BTBD8: variants seen among roughly 807,000 people sequenced by gnomAD.
BTBD8 encodes the protein BTB/POZ domain-containing protein 8.
BTBD8 carries 110 observed loss-of-function variants against 162.9 expected under a neutral mutation model. That is an observed-to-expected ratio of 0.68 (90% CI 0.58 to 0.79). The LOEUF is 0.79. Among genes scored for constraint, BTBD8 ranks in the 30% least tolerant of loss-of-function variants. The pLI is 0.00. For missense variants in BTBD8, 1,905 were observed against 2,085.4 expected (o/e 0.91, Z 1.68); for synonymous variants, 667 against 716.1 (o/e 0.93, Z 1.10).
chr1:92,142,520 G>A (rs1213480736), intron 7 of BTBD8, among the ~76,000 whole-genome samples: 1 of 152,198 alleles, frequency 6.6e-6, no homozygotes, highest in African/African-American at 2.4e-5. Flanking sequence ...TTTCTAAAGA[G>A]AGAAGGCTTG....
At chr1:92,132,455 C>T (rs1649537594) in intron 5 of BTBD8, among the ~76,000 whole-genome samples, 1 of 151,988 alleles carries the variant, frequency 6.6e-6, no homozygotes, top group Admixed American at 6.6e-5. Flanking sequence ...GAAATAGTGA[C>T]ATCAATTACT....
At chr1:92,167,755 C>T in intron 10 of BTBD8, 93 bp from the exon 11 acceptor site, 1 of 998,746 alleles carries the variant, frequency 1.0e-6, no homozygotes, top group Non-Finnish European at 1.4e-6. Context: ...TGACTTCATA[C>T]AGCTAGTTAT....
intron 4 of BTBD8, among the ~76,000 whole-genome samples, chr1:92,124,280 A>T (rs1649297226): frequency 6.6e-6 from 1 of 152,096 alleles, no homozygotes; most frequent in Admixed American, 6.6e-5. Flanking sequence ...TTCTTTTCTT[A>T]AATATATATA....
At chr1:92,151,475 A>G (rs959507772) in intron 9 of BTBD8, among the ~76,000 whole-genome samples, 2 of 152,156 alleles carry the variant, frequency 1.3e-5, no homozygotes, top group South Asian at 4.1e-4. Context: ...TTATTGGCCC[A>G]GCTATAGTTC....
chr1:92,126,423 A>G, intron 4 of BTBD8: 1 of 914,678 alleles, frequency 1.1e-6, no homozygotes, highest in Non-Finnish European at 1.7e-6. Context: ...GACCTCCTCA[A>G]ACGAAACATC....
chr1:92,142,663 C>T (rs918121370), intron 7 of BTBD8, among the ~76,000 whole-genome samples: 7 of 152,184 alleles, frequency 4.6e-5, no homozygotes, highest in Non-Finnish European at 1.0e-4. Flanking sequence ...TTAATGGTTT[C>T]ATGAAAGTTA....
chr1:92,123,367 T>C (rs550627326), intron 4 of BTBD8, among the ~76,000 whole-genome samples: 1 of 152,346 alleles, frequency 6.6e-6, no homozygotes, highest in East Asian at 1.9e-4. Context: ...TAGAATCAAC[T>C]TATCTATTGC....
intron 2 of BTBD8, among the ~76,000 whole-genome samples, chr1:92,100,243 T>A (rs1437874995): frequency 6.6e-6 from 1 of 152,238 alleles, no homozygotes; most frequent in Non-Finnish European, 1.5e-5. Context: ...AAAATTATTT[T>A]GTTGAGGGTT....
chr1:92,106,617 C>T (rs1421288205), intron 3 of BTBD8, among the ~76,000 whole-genome samples: 3 of 137,060 alleles, frequency 2.2e-5, no homozygotes, highest in Admixed American at 7.7e-5. Context: ...GCCAAGATTG[C>T]ACCACTGCAC....
At chr1:92,162,613 C>T (rs1459078534) in intron 9 of BTBD8, among the ~76,000 whole-genome samples, 1 of 152,170 alleles carries the variant, frequency 6.6e-6, no homozygotes, top group African/African-American at 2.4e-5. Context: ...GTATTTCTAA[C>T]AGGCTCTGGC....
intron 4 of BTBD8, among the ~76,000 whole-genome samples, chr1:92,126,924 A>G (rs1297773933): frequency 2.0e-5 from 3 of 152,208 alleles, no homozygotes; most frequent in Admixed American, 6.5e-5. Context: ...GGAAAAATGG[A>G]TACAGAAAAA....
chr1:92,177,905 C>T lies in BTBD8; in HGVS notation c.2441+7C>T, dbSNP rs1650768447. The T allele has an allele frequency of 1.4e-6, 2 of 1,410,716 alleles. No individual in the cohort carries two copies. The highest frequency in any genetic ancestry group is 1.4e-5 in the African/African-American group (1 of 70,114). The allele number at this position is 1,410,716 out of a possible 1,614,324, so 87.4% of individuals were successfully genotyped here. A position where few individuals can be genotyped will look rare whatever the true frequency, so the allele number is the denominator to read the frequency against. On this transcript the variant is annotated splice_region_variant and intron_variant, in intron 15 of 17. Transcript: ENST00000636805. ...ACACTAATGTAAATAACAGGTAGGT[C>T]TTCATTCAGTGTTTTAACCTATCTG...
chr1:92,134,898 T>A lies in BTBD8; in HGVS notation c.753-4452T>A, dbSNP rs902730934. Among the ~76,000 whole-genome samples the A allele has an allele frequency of 1.1e-4, 16 of 150,464 alleles. No individual in the cohort carries two copies. In the East Asian group the frequency reaches 1.4e-3, roughly 13 times the overall value. On this transcript the variant is annotated intron_variant, in intron 5 of 17. Transcript: ENST00000636805. ...TATTTAATTAATTAATTAATTAATT[T>A]TTTTTTTTTTTAGACAGAATTTTAC...
chr1:92,179,694 G>A (rs1347407302), intron 16 of BTBD8, among the ~76,000 whole-genome samples: 2 of 152,100 alleles, frequency 1.3e-5, no homozygotes, highest in African/African-American at 2.4e-5. Context: ...TTTCCAGTCA[G>A]CAGTTTTAGT....
chr1:92,147,269 G>A lies in BTBD8; in HGVS notation c.1019+1G>A, dbSNP rs764216988. 1.9e-6 allele frequency: 3 copies of A among 1,601,244 alleles called. No homozygotes were observed. The highest frequency in any genetic ancestry group is 2.6e-6 in the Non-Finnish European group (3 of 1,169,684). ...AAAGTCTTTTTGCTGACTGCATGAA[G>A]TAAGTTATGTTAAGTAGTGCTGATA... is the stretch of plus-strand genomic sequence containing the variant. On this transcript the variant is annotated splice_donor_variant, in intron 8 of 17. Coordinates refer to ENST00000636805, the MANE Select transcript of BTBD8 (RefSeq NM_001376131.1). LOFTEE classifies it high-confidence loss of function.
chr1:92,180,490 A>T lies in BTBD8; in HGVS notation c.2807A>T (p.Asp936Val). The T allele has an allele frequency of 1.9e-6, 3 of 1,550,594 alleles. No individual in the cohort carries two copies. The highest frequency in any genetic ancestry group is 1.7e-4 in the Middle Eastern group (1 of 5,982). ...SKKGETLNNKDSKQKMPPGQV... is the reference protein window; with the variant it reads ...SKKGETLNNKVSKQKMPPGQV... ...AAAGGTGAAACTTTGAATAATAAAGATTCAAAACAGAAAATGCCTCCTGGA... is the reference window on the plus strand; with the variant it reads ...AAAGGTGAAACTTTGAATAATAAAGTTTCAAAACAGAAAATGCCTCCTGGA... Residue 936 changes from aspartate (D) to valine (V), a missense_variant, in exon 17 of 18, where the codon GAT becomes GTT. Physicochemically the swap from Asp to Val is radical, Grantham distance 152. Around this residue, in one of 3 missense-constraint regions of BTBD8, gnomAD observed 1,374 missense variants for 1,442.7 expected, o/e 0.95. Transcript: ENST00000636805.
chr1:92,143,639 T>C (rs1649828711), intron 7 of BTBD8, among the ~76,000 whole-genome samples: 1 of 152,000 alleles, frequency 6.6e-6, no homozygotes, highest in Non-Finnish European at 1.5e-5. Context: ...GCTTCCTGAG[T>C]AGCTGGGAGT....
At chr1:92,089,550 T>C (rs1444337408) in intron 2 of BTBD8, among the ~76,000 whole-genome samples, 1 of 152,172 alleles carries the variant, frequency 6.6e-6, no homozygotes, top group Non-Finnish European at 1.5e-5. Flanking sequence ...TGATCACAGT[T>C]CGGGAGCCTG....
At chr1:92,131,897 G>A (rs965009213) in intron 5 of BTBD8, among the ~76,000 whole-genome samples, 1 of 152,062 alleles carries the variant, frequency 6.6e-6, no homozygotes, top group African/African-American at 2.4e-5. Flanking sequence ...TTTAGTAGAG[G>A]TGAGGTCTCA....
Sources: allele counts gnomAD v4.1 joint callset (sites outside exome capture counted in the v4.1 genomes callset), GRCh38; gene constraint gnomAD v4.1.1; regional missense constraint gnomAD v4.1.1; transcripts MANE v1.5; gene names NCBI Gene and HGNC (gene_info 2026-07-23, HGNC 2026-07-21).